The following MYRIP variants were observed in gnomAD, a reference collection of about 807,000 sequenced individuals.
The protein encoded by MYRIP is rab effector MyRIP.
MYRIP carries 49 observed loss-of-function variants against 98.0 expected under a neutral mutation model. The ratio of observed to expected loss-of-function variants is 0.50; its 90% CI spans 0.40 to 0.63. MYRIP has a LOEUF of 0.63. MYRIP is among the 30% of genes least tolerant of loss of function. MYRIP has a pLI of 0.00. For missense variants in MYRIP, 1,004 were observed against 1,058.2 expected (o/e 0.95, Z 0.71); for synonymous variants, 404 against 409.5 (o/e 0.99, Z 0.16).
intron 3 of MYRIP, among the ~76,000 whole-genome samples, chr3:40,053,863 G>A (rs534704632): frequency 6.6e-6 from 1 of 152,244 alleles, no homozygotes; most frequent in South Asian, 2.1e-4. Context: ...AGGCACTTGT[G>A]TCTACAAGGC....
intron 3 of MYRIP, among the ~76,000 whole-genome samples, chr3:40,063,457 T>C (rs1349854782): frequency 1.3e-5 from 2 of 152,222 alleles, no homozygotes; most frequent in African/African-American, 4.8e-5. Flanking sequence ...TATGAATGCT[T>C]ACTGAGTTTG....
chr3:39,855,405 C>G (rs1241241687), intron 1 of MYRIP, among the ~76,000 whole-genome samples: 1 of 152,086 alleles, frequency 6.6e-6, no homozygotes, highest in Admixed American at 6.5e-5. Context: ...CCAAAAGTTT[C>G]TATGTTTTGT....
At chr3:39,809,464 T>A (rs1232611757), upstream of MYRIP, 1 of 145,924 alleles carries the variant, frequency 6.9e-6, no homozygotes, top group Non-Finnish European at 1.5e-5. Flanking sequence ...GGGCACCCCC[T>A]GCCCCGGCGC....
At chr3:40,021,122 C>T (rs1002222218) in intron 2 of MYRIP, among the ~76,000 whole-genome samples, 1 of 152,162 alleles carries the variant, frequency 6.6e-6, no homozygotes, top group Non-Finnish European at 1.5e-5. Flanking sequence ...CTTTACCCCC[C>T]TTTGCTCTGG....
chr3:40,222,453 C>T (rs374044581), intron 11 of MYRIP, among the ~76,000 whole-genome samples: 83 of 152,046 alleles, frequency 5.5e-4, no homozygotes, highest in African/African-American at 1.8e-3. Flanking sequence ...AGCCCAGCCT[C>T]CAGAGTTGAG....
chr3:40,158,184 C>T (rs1246554251), intron 4 of MYRIP, among the ~76,000 whole-genome samples: 9 of 151,782 alleles, frequency 5.9e-5, no homozygotes, highest in South Asian at 4.2e-4. Context: ...CCAGAGATTC[C>T]GGTATGTTGT....
intron 3 of MYRIP, among the ~76,000 whole-genome samples, chr3:40,069,415 T>C (rs1948182212): frequency 6.6e-6 from 1 of 152,128 alleles, no homozygotes; most frequent in Non-Finnish European, 1.5e-5. Flanking sequence ...TTTTTGCTTT[T>C]TAAAGTGTGA....
At chr3:39,907,471 G>A (rs1439476109) in intron 2 of MYRIP, among the ~76,000 whole-genome samples, 2 of 152,112 alleles carry the variant, frequency 1.3e-5, no homozygotes, top group Non-Finnish European at 2.9e-5. Context: ...GAGCTGGTGT[G>A]ACTCTACTAC....
intron 2 of MYRIP, among the ~76,000 whole-genome samples, chr3:39,966,350 A>G (rs552982303): frequency 1.3e-5 from 2 of 152,344 alleles, no homozygotes; most frequent in South Asian, 4.1e-4. Context: ...AACAGGTTAC[A>G]GATAATACGC....
chr3:39,861,463 A>T (rs1024751397), intron 1 of MYRIP, among the ~76,000 whole-genome samples: 4 of 152,222 alleles, frequency 2.6e-5, no homozygotes, highest in African/African-American at 9.6e-5. Flanking sequence ...CAACCACACT[A>T]GTTCTGCAAC....
intron 3 of MYRIP, among the ~76,000 whole-genome samples, chr3:40,104,654 T>A (rs1949020445): frequency 6.6e-6 from 1 of 152,236 alleles, no homozygotes; most frequent in Non-Finnish European, 1.5e-5. Flanking sequence ...TTCTGAGTCA[T>A]GTAACACAGT....
intron 11 of MYRIP, among the ~76,000 whole-genome samples, chr3:40,221,281 C>T (rs576430208): frequency 3.9e-5 from 6 of 152,096 alleles, no homozygotes; most frequent in Non-Finnish European, 7.4e-5. Context: ...TTATCATTTG[C>T]TCAATCAGTA....
intron 1 of MYRIP, among the ~76,000 whole-genome samples, chr3:39,863,113 G>T (rs1942519360): frequency 6.6e-6 from 1 of 151,948 alleles, no homozygotes; most frequent in Non-Finnish European, 1.5e-5. Context: ...AAACAAATGA[G>T]AAAAAAGTTA....
chr3:40,010,126 C>T (rs1946728990), intron 2 of MYRIP, among the ~76,000 whole-genome samples: 2 of 152,186 alleles, frequency 1.3e-5, no homozygotes, highest in Admixed American at 1.3e-4. Context: ...GGCAGAATAT[C>T]CAGGGTGCCT....
In MYRIP at chr3:40,189,860, C is replaced by G; in HGVS notation, c.1062C>G (p.Asn354Lys). The G allele has an allele frequency of 6.2e-7, 1 of 1,613,820 alleles. No homozygotes were observed. Among genetic ancestry groups the G allele is most frequent in the Non-Finnish European group, 8.5e-7 (1 of 1,179,864 alleles). The stretch of plus-strand genomic sequence containing the variant: ...CAGTTTTGCAGAGCCCCGACGGGAA[C>G]TGGGTGGCCCTGAAGGATGGCGCTC... The part of the protein sequence containing the change: ...LAPVLQSPDG[N>K]WVALKDGAPP... The change falls in exon 10 of 17, where the codon AAC becomes AAG. Residue 354 changes from asparagine to lysine, a missense_variant. Physicochemically the swap from Asn to Lys is moderately conservative, Grantham distance 94 (BLOSUM62 0). Coordinates refer to ENST00000302541, the MANE Select transcript of MYRIP (RefSeq NM_015460.4).
chr3:39,912,838 G>A (rs147245453), intron 2 of MYRIP, among the ~76,000 whole-genome samples: 6 of 152,234 alleles, frequency 3.9e-5, no homozygotes, highest in African/African-American at 1.2e-4. Flanking sequence ...TCAAGAGTTC[G>A]AGACCAGCCT....
At chr3:40,037,035 A>T (rs547639826) in intron 2 of MYRIP, among the ~76,000 whole-genome samples, 59 of 152,300 alleles carry the variant, frequency 3.9e-4, no homozygotes, top group African/African-American at 1.4e-3. Context: ...AATCAATCTG[A>T]TAGAAAGTAG....
At chr3:39,888,200 A>G (rs1273311639) in intron 1 of MYRIP, among the ~76,000 whole-genome samples, 16 of 152,176 alleles carry the variant, frequency 1.1e-4, no homozygotes, top group South Asian at 4.1e-4. Context: ...TATGGAACCA[A>G]AAAAGGGCCC....
chr3:40,039,144 A>C (rs1203702054), intron 2 of MYRIP, among the ~76,000 whole-genome samples: 1 of 152,082 alleles, frequency 6.6e-6, no homozygotes, highest in African/African-American at 2.4e-5. Context: ...TCCATCACCC[A>C]CCACACCTTA....
Sources: allele counts gnomAD v4.1 joint callset (sites outside exome capture counted in the v4.1 genomes callset), GRCh38; gene constraint gnomAD v4.1.1; transcripts MANE v1.5; gene names NCBI Gene and HGNC (gene_info 2026-07-23, HGNC 2026-07-21).